NCK1: variants seen among roughly 807,000 people sequenced by gnomAD.
NCK1 encodes the protein NCK adaptor protein 1.
NCK1 carries 19 observed loss-of-function variants against 36.6 expected under a neutral mutation model. That is an observed-to-expected ratio of 0.52 (90% CI 0.36 to 0.76). The LOEUF (loss-of-function observed/expected upper bound fraction) is 0.76. NCK1 is among the 30% of genes least tolerant of loss of function. NCK1 has a pLI of 0.00. For missense variants in NCK1, 358 were observed against 445.6 expected, an observed-to-expected ratio of 0.80 and a Z score of 1.77; for synonymous variants, 165 against 156.0, an observed-to-expected ratio of 1.06 and a Z score of -0.43.
At chr3:136,869,741 A>G (rs1304313717) in intron 1 of NCK1, among the ~76,000 whole-genome samples, 1 of 152,186 alleles carries the variant, frequency 6.6e-6, no homozygotes, top group East Asian at 1.9e-4. Context: ...GAAGACTATC[A>G]GGTAAAATCT....
chr3:136,876,049 G>A (rs1938757599), intron 1 of NCK1, among the ~76,000 whole-genome samples: 2 of 151,544 alleles, frequency 1.3e-5, no homozygotes, highest in African/African-American at 4.8e-5. Flanking sequence ...GCTCCTGAAT[G>A]ACTACTGGGT....
intron 1 of NCK1, among the ~76,000 whole-genome samples, chr3:136,867,082 TTC>T (rs1938446625): frequency 2.1e-4 from 1 of 4,716 alleles, no homozygotes; most frequent in African/African-American, 7.4e-4. Flanking sequence ...CTTTCTTTCT[TTC>T]TTTCTTTCTT....
In NCK1 at chr3:136,873,725, T is replaced by C. The variant is rs569812420; in HGVS notation, c.-19+11372T>C. Among the ~76,000 whole-genome samples, 9 of 152,238 alleles carry C rather than the reference T, an allele frequency of 5.9e-5. No individual in the cohort carries two copies. The South Asian group carries it at 1.0e-3, about 18-fold the overall frequency. The stretch of plus-strand genomic sequence containing the variant: ...TAATTGAATCGTGGGAGTGGGCCTT[T>C]CCTGTGCTTTTCTTGTGATAGTGAA... On this transcript the variant is annotated intron_variant, in intron 1 of 3. Transcript: ENST00000481752.
At chr3:136,933,282 T>C (rs745626257) in intron 2 of NCK1, among the ~76,000 whole-genome samples, 7 of 152,228 alleles carry the variant, frequency 4.6e-5, no homozygotes, top group Non-Finnish European at 8.8e-5. Context: ...TTGATAGATA[T>C]TCTTTAACAA....
At chr3:136,908,934 G>GT (rs1939763381) in intron 1 of NCK1, among the ~76,000 whole-genome samples, 5 of 152,222 alleles carry the variant, frequency 3.3e-5, no homozygotes. Flanking sequence ...ATAATGGGAG[G>GT]TGTTTGGGTC....
intron 1 of NCK1, among the ~76,000 whole-genome samples, chr3:136,905,765 C>T (rs1939667474): frequency 6.6e-6 from 1 of 152,036 alleles, no homozygotes; most frequent in South Asian, 2.1e-4. Context: ...GCTGGGACTA[C>T]AGGTGCATGC....
intron 2 of NCK1, chr3:136,928,586 T>A (rs1940308168): frequency 5.0e-6 from 1 of 198,960 alleles, no homozygotes. Context: ...ACATAATGAA[T>A]TTTAACATCT....
At chr3:136,883,913 A>T (rs145103642) in intron 1 of NCK1, among the ~76,000 whole-genome samples, 74 of 152,350 alleles carry the variant, frequency 4.9e-4, no homozygotes, top group African/African-American at 1.8e-3. Flanking sequence ...TTACAATTAT[A>T]ATTAATAGAT....
At chr3:136,909,988 C>T (rs781314654) in intron 1 of NCK1, among the ~76,000 whole-genome samples, 3 of 152,090 alleles carry the variant, frequency 2.0e-5, no homozygotes, top group Admixed American at 6.6e-5. Flanking sequence ...GAGTCTCTTA[C>T]GGATAGCATA....
intron 1 of NCK1, among the ~76,000 whole-genome samples, chr3:136,880,903 C>A (rs1476964810): frequency 6.6e-6 from 1 of 152,138 alleles, no homozygotes; most frequent in East Asian, 1.9e-4. Flanking sequence ...GGCTACCACA[C>A]CCAGCCAACA....
In NCK1 at chr3:136,945,606, C is replaced by T. The variant is rs1184323958; in HGVS notation, c.250C>T (p.Pro84Ser). Residue 84 changes from proline to serine, a missense_variant, in exon 3 of 4, where the codon CCT becomes TCT. Pro to Ser is a moderately conservative substitution (Grantham distance 74, BLOSUM62 -1). This residue lies in a region of NCK1 where 143 missense variants were observed against 162.4 expected (regional missense o/e 0.88). Transcript: ENST00000481752. ...AGGCATTGGAAAAGTGAAAAGAAAACCTAGTGTGCCAGATTCTGCATCTCC... is the reference window on the plus strand; with the variant it reads ...AGGCATTGGAAAAGTGAAAAGAAAATCTAGTGTGCCAGATTCTGCATCTCC... Reference protein sequence around the residue: ...TLGIGKVKRKPSVPDSASPAD... With the variant: ...TLGIGKVKRKSSVPDSASPAD... The T allele has an allele frequency of 6.2e-7, 1 of 1,607,280 alleles. No individual in the cohort carries two copies. Among genetic ancestry groups the T allele is most frequent in the Non-Finnish European group, 8.5e-7 (1 of 1,175,996 alleles).
intron 1 of NCK1, among the ~76,000 whole-genome samples, chr3:136,874,200 G>A (rs1418753155): frequency 1.3e-5 from 2 of 152,160 alleles, no homozygotes; most frequent in Middle Eastern, 6.8e-3. Flanking sequence ...TTTTGAGATA[G>A]AGTCTTGCTC....
chr3:136,901,508 C>T (rs558414941), intron 1 of NCK1, among the ~76,000 whole-genome samples: 4 of 152,040 alleles, frequency 2.6e-5, no homozygotes, highest in Non-Finnish European at 4.4e-5. Context: ...CATCCAGTCC[C>T]GGACTTCTGT....
At chr3:136,922,133 G>C (rs781353217) in intron 1 of NCK1, among the ~76,000 whole-genome samples, 5 of 152,118 alleles carry the variant, frequency 3.3e-5, no homozygotes, top group African/African-American at 7.2e-5. Flanking sequence ...AGGCCATCTG[G>C]GTTTGTTATT....
At chr3:136,945,455 T>G (rs1327665343) in intron 2 of NCK1, 128 bp from the exon 3 acceptor site, 3 of 609,024 alleles carry the variant, frequency 4.9e-6, no homozygotes, top group Non-Finnish European at 7.7e-6. Context: ...TACATAGAAA[T>G]TTGTTATATT....
intron 2 of NCK1, among the ~76,000 whole-genome samples, chr3:136,939,099 CT>C (rs1316431118): frequency 6.6e-6 from 1 of 152,178 alleles, no homozygotes; most frequent in African/African-American, 2.4e-5. Flanking sequence ...GTGAAACCAT[CT>C]GGTCCAGAGC....
rs187574296 is a variant in NCK1 at position 136,949,796 on chromosome 3, C to T, written c.*1343C>T. The T allele has an allele frequency of 1.1e-4, 16 of 151,996 alleles. No homozygotes were observed. The highest frequency in any genetic ancestry group is 1.6e-4 in the Non-Finnish European group (11 of 67,860). The allele number at this position is 151,996 out of a possible 1,614,324, so 9.4% of individuals were successfully genotyped here. ...TGCTGTTATAAATAGATATCTAATA[C>T]GCCAGAATTACTGATGGTAAAATTG... On this transcript the variant is annotated 3_prime_UTR_variant, in exon 4 of 4. Transcript: ENST00000481752.
chr3:136,884,490 G>T (rs963995844), intron 1 of NCK1, among the ~76,000 whole-genome samples: 2 of 152,062 alleles, frequency 1.3e-5, no homozygotes, highest in Non-Finnish European at 2.9e-5. Context: ...GGCCCAAGCT[G>T]GAGTGCAGTG....
intron 2 of NCK1, among the ~76,000 whole-genome samples, chr3:136,935,108 C>G (rs995060115): frequency 6.6e-6 from 1 of 152,124 alleles, no homozygotes; most frequent in South Asian, 2.1e-4. Context: ...CGCATGTTGG[C>G]CAGGCTGGTC....
Sources: allele counts gnomAD v4.1 joint callset (sites outside exome capture counted in the v4.1 genomes callset), GRCh38; gene constraint gnomAD v4.1.1; regional missense constraint gnomAD v4.1.1; transcripts MANE v1.5; gene names NCBI Gene and HGNC (gene_info 2026-07-23, HGNC 2026-07-21).